LONRF1: variants seen among roughly 807,000 people sequenced by gnomAD.
LONRF1 encodes the protein LON peptidase N-terminal domain and RING finger protein 1.
Under a neutral mutation model 85.8 loss-of-function variants are expected in LONRF1, and 37 were observed. That is an observed-to-expected ratio of 0.43 (90% CI 0.33 to 0.57). The LOEUF (loss-of-function observed/expected upper bound fraction) is 0.57, where lower values mean the gene tolerates loss of function less well. Among genes scored for constraint, LONRF1 ranks in the 20% least tolerant of loss-of-function variants. LONRF1 has a pLI of 0.04. For missense variants in LONRF1, 1,036 were observed against 978.0 expected (o/e 1.06, Z -0.79); for synonymous variants, 517 against 390.1 (o/e 1.33, Z -3.83).
At position 12,755,098 on chromosome 8, in the gene LONRF1, G is replaced by C. The variant is rs755664007; in HGVS notation, c.323C>G (p.Ala108Gly). Residue 108 changes from alanine (A) to glycine (G), a missense_variant, in exon 1 of 12, where the codon GCC (alanine) becomes GGC (glycine). Coordinates refer to ENST00000398246, the MANE Select transcript of LONRF1 (RefSeq NM_152271.5). ...RLRHGLGWSAAPVAGADGGAG... is the reference protein window; with the variant it reads ...RLRHGLGWSAGPVAGADGGAG... ...GCCGCCGTCAGCGCCTGCAACCGGG[G>C]CCGCGCTCCAGCCCAGCCCGTGGCG... 2 of 1,470,794 alleles carry C rather than the reference G, an allele frequency of 1.4e-6. No homozygotes were observed. Among genetic ancestry groups the C allele is most frequent in the South Asian group, 1.3e-5 (1 of 77,566 alleles). 91.1% of individuals were successfully genotyped at this position (1,470,794 alleles called of 1,614,324 possible). A position where few individuals can be genotyped will look rare whatever the true frequency, so the allele number is the denominator to read the frequency against.
Position 12,738,134 on chromosome 8 carries a change from T to G in LONRF1, c.974A>C (p.Asp325Ala). 2 of 1,548,306 alleles carry G rather than the reference T, an allele frequency of 1.3e-6. No individual in the cohort carries two copies. Among genetic ancestry groups the G allele is most frequent in the Non-Finnish European group, 1.8e-6 (2 of 1,138,050 alleles). The change falls in exon 4 of 12, where the codon GAT becomes GCT. Residue 325 changes from aspartate to alanine, a missense_variant. Asp to Ala is a moderately radical substitution (Grantham distance 126). Coordinates refer to ENST00000398246, the MANE Select transcript of LONRF1 (RefSeq NM_152271.5). ...AKLQVQKILCDLLLPENLKEG... is the reference protein window; with the variant it reads ...AKLQVQKILCALLLPENLKEG... ...TTTTAAGTTTTCAGGTAATAATAAA[T>G]CACATAAAATCTGTAAGAGAAATAT...
rs944442792 is a variant in LONRF1 at position 12,754,586 on chromosome 8, G to A, written c.721+114C>T. On this transcript the variant is annotated intron_variant, in intron 1 of 11. Transcript: ENST00000398246. ...CGAGACCCGACACGCCAGCGGCCCA[G>A]CGGCCCCGGGGAAGCAGAGGAGACT... 3 of 1,166,388 alleles carry A rather than the reference G, an allele frequency of 2.6e-6. No individual in the cohort carries two copies. In the Admixed American group the frequency reaches 1.3e-4, roughly 52 times the overall value. The allele number at this position is 1,166,388 out of a possible 1,614,324, so 72.3% of individuals were successfully genotyped here. A position where few individuals can be genotyped will look rare whatever the true frequency, so the allele number is the denominator to read the frequency against.
intron 1 of LONRF1, among the ~76,000 whole-genome samples, chr8:12,744,476 A>G (rs1323803424): frequency 6.6e-6 from 1 of 152,224 alleles, no homozygotes; most frequent in South Asian, 2.1e-4. Flanking sequence ...AACAAAATGC[A>G]TAAGAATTAA....
intron 7 of LONRF1, 135 bp downstream of exon 7, chr8:12,735,151 A>G: frequency 3.2e-6 from 2 of 632,736 alleles, no homozygotes; most frequent in Non-Finnish European, 5.4e-6. Flanking sequence ...GGGTAATAAA[A>G]CATTATCCTT....
At chr8:12,724,232 T>C (rs1806060635) in intron 11 of LONRF1, among the ~76,000 whole-genome samples, 1 of 152,204 alleles carries the variant, frequency 6.6e-6, no homozygotes, top group Non-Finnish European at 1.5e-5. Flanking sequence ...GCACTCTTGT[T>C]GGGTGTGGAA....
At position 12,737,991 on chromosome 8, in the gene LONRF1, G is replaced by C. The variant is rs573377018; in HGVS notation, c.1113+4C>G. On this transcript the variant is annotated splice_donor_region_variant and intron_variant, in intron 4 of 11. Transcript: ENST00000398246. ...ACTCATGATAACCTTGTCTCACCCC[G>C]TACCTGCTTTGGGCTAGGTTCATTG... 29 of 1,600,130 alleles carry C rather than the reference G, an allele frequency of 1.8e-5. No homozygotes were observed. The highest frequency in any genetic ancestry group is 2.3e-5 in the Non-Finnish European group (27 of 1,175,468).
chr8:12,725,476 C>T (rs1009398412), intron 11 of LONRF1, among the ~76,000 whole-genome samples: 10 of 152,142 alleles, frequency 6.6e-5, no homozygotes, highest in African/African-American at 1.9e-4. Context: ...TAAGGACTTG[C>T]TCCCTTTCTG....
At chr8:12,754,410 C>T in intron 1 of LONRF1, 1 of 278,352 alleles carries the variant, frequency 3.6e-6, no homozygotes, top group Middle Eastern at 1.0e-3. Context: ...CACTCCGCGC[C>T]GGGAGCGCGC....
Position 12,737,000 on chromosome 8 carries a change from T to C in LONRF1, c.1254A>G (p.Ser418=), listed in dbSNP as rs1287338962. Residue 418 remains serine (S), a synonymous_variant, in exon 5 of 12, where the codon TCA becomes TCG. Coordinates refer to ENST00000398246, the MANE Select transcript of LONRF1 (RefSeq NM_152271.5). The stretch of plus-strand genomic sequence containing the variant: ...TCAGCAGAACACCTTTTTCTTGAAC[T>C]GACAGAACAGGTTCTGAGGACACTC... ...LKRVSSEPVL[S]VQEKGVLLKR... 1.9e-6 allele frequency: 3 copies of C among 1,613,568 alleles called. No homozygotes were observed. Among genetic ancestry groups the C allele is most frequent in the Middle Eastern group, 1.6e-4 (1 of 6,078 alleles).
chr8:12,731,947 T>C, intron 7 of LONRF1, 90 bp from the exon 8 acceptor site: 1 of 1,188,874 alleles, frequency 8.4e-7, no homozygotes, highest in Non-Finnish European at 1.2e-6. Flanking sequence ...AAAGCCTTTA[T>C]TACATACTTA....
In LONRF1 at chr8:12,733,717, T is replaced by C. The variant is rs1255813020; in HGVS notation, c.1566+1569A>G. Among the ~76,000 whole-genome samples, 3 of 152,200 alleles carry C rather than the reference T, an allele frequency of 2.0e-5. No individual in the cohort carries two copies. The East Asian group carries it at 5.8e-4, about 29-fold the overall frequency. On this transcript the variant is annotated intron_variant, in intron 7 of 11. Coordinates refer to ENST00000398246, the MANE Select transcript of LONRF1 (RefSeq NM_152271.5). The stretch of plus-strand genomic sequence containing the variant: ...CCTTATATATCCAACAACAAAGAAA[T>C]GTTAAATCACTGGACTATTATGCTG...
rs1036027440 is a variant in LONRF1, at chr8:12,722,816, A to T, written c.*280T>A. On this transcript the variant is annotated 3_prime_UTR_variant, in exon 12 of 12. Coordinates refer to ENST00000398246, the MANE Select transcript of LONRF1 (RefSeq NM_152271.5). The stretch of plus-strand genomic sequence containing the variant: ...CACACACACACTCTCTCACAGACAT[A>T]AAGAGTTCTTATTTCATTTTAGAGT... 5 of 273,110 alleles carry T rather than the reference A, an allele frequency of 1.8e-5. No individual in the cohort carries two copies. The highest frequency in any genetic ancestry group is 6.2e-5 in the South Asian group (1 of 16,236). The allele number at this position is 273,110 out of a possible 1,614,324, so 16.9% of individuals were successfully genotyped here. A position where few individuals can be genotyped will look rare whatever the true frequency, so the allele number is the denominator to read the frequency against.
Position 12,725,835 on chromosome 8 carries a change from A to C in LONRF1, c.2055T>G (p.Asp685Glu), listed in dbSNP as rs773500698. The C allele has an allele frequency of 1.2e-6, 2 of 1,613,302 alleles. No homozygotes were observed. The highest frequency in any genetic ancestry group is 1.3e-5 in the African/African-American group (1 of 74,912). The change falls in exon 11 of 12, where the codon GAT becomes GAG. Residue 685 changes from aspartate to glutamate, a missense_variant. This residue lies in a region of LONRF1 where 265 missense variants were observed against 301.5 expected (regional missense o/e 0.88). Coordinates refer to ENST00000398246, the MANE Select transcript of LONRF1 (RefSeq NM_152271.5). ...DEIKNLRELH[D>E]LVYSQACSWF... Reference sequence around the variant, plus strand: ...AGCTGCAGGCTTGAGAGTAAACCAAATCATGAAGCTCTCTGAGATTCTTAA... The same window carrying C: ...AGCTGCAGGCTTGAGAGTAAACCAACTCATGAAGCTCTCTGAGATTCTTAA...
intron 11 of LONRF1, among the ~76,000 whole-genome samples, chr8:12,725,211 A>C (rs929608911): frequency 2.6e-5 from 4 of 152,234 alleles, no homozygotes; most frequent in Non-Finnish European, 5.9e-5. Flanking sequence ...CTAAAAGAAT[A>C]ATAGTTTCAT....
At chr8:12,739,715 A>G (rs987130621) in intron 3 of LONRF1, among the ~76,000 whole-genome samples, 4 of 152,214 alleles carry the variant, frequency 2.6e-5, no homozygotes, top group Non-Finnish European at 5.9e-5. Context: ...TTAACCAGCA[A>G]ACAAATAGTT....
intron 4 of LONRF1, 52 bp from the exon 5 acceptor site, chr8:12,737,192 T>G: frequency 6.3e-7 from 1 of 1,586,630 alleles, no homozygotes; most frequent in Non-Finnish European, 8.6e-7. Context: ...TATCCTTTAT[T>G]CCTCTCACCA....
At chr8:12,732,182 A>G (rs1798552661) in intron 7 of LONRF1, among the ~76,000 whole-genome samples, 1 of 152,232 alleles carries the variant, frequency 6.6e-6, no homozygotes, top group African/African-American at 2.4e-5. Context: ...TCCACCTGAC[A>G]GCTCATGGGC....
At chr8:12,740,793 C>G (rs1585243886) in intron 3 of LONRF1, 81 bp downstream of exon 3, 1 of 1,522,498 alleles carries the variant, frequency 6.6e-7, no homozygotes, top group Non-Finnish European at 8.8e-7. Context: ...TGTTCTTATT[C>G]CAACTTTTAT....
At chr8:12,745,419 T>C (rs938057655) in intron 1 of LONRF1, among the ~76,000 whole-genome samples, 8 of 149,538 alleles carry the variant, frequency 5.3e-5, no homozygotes, top group Admixed American at 2.7e-4. Context: ...GATCTCAAAT[T>C]CTTAAGCGCC....
Sources: gnomAD v4.1 joint callset for allele counts (sites outside exome capture counted in the v4.1 genomes callset) on GRCh38, gnomAD v4.1.1 for gene constraint, gnomAD v4.1.1 regional missense constraint, MANE v1.5 for transcripts, NCBI Gene and HGNC (gene_info 2026-07-23, HGNC 2026-07-21) for gene names.